The following WDR33 variants were observed in gnomAD, a reference collection of about 807,000 sequenced individuals.
WDR33 encodes pre-mRNA 3' end processing protein WDR33.
WDR33 carries 47 observed loss-of-function variants against 164.9 expected under a neutral mutation model. The ratio of observed to expected loss-of-function variants is 0.29; its 90% CI spans 0.23 to 0.36. The LOEUF (loss-of-function observed/expected upper bound fraction) is 0.36, where lower values mean the gene tolerates loss of function less well. WDR33 is among the 10% of genes least tolerant of loss of function. WDR33 has a pLI of 1.00. For missense variants in WDR33, 1,137 were observed against 1,754.1 expected (o/e 0.65, Z 6.28); for synonymous variants, 505 against 589.0 (o/e 0.86, Z 2.06).
rs202005660 is a variant in WDR33, at chr2:127,719,387, G to A, written c.2638C>T (p.Pro880Ser). Residue 880 changes from proline (P) to serine (S), a missense_variant, in exon 16 of 22, where the codon CCC becomes TCC. By Grantham distance (74) the Pro-to-Ser change is moderately conservative. Coordinates refer to ENST00000322313, the MANE Select transcript of WDR33 (RefSeq NM_018383.5). The surrounding 1 kb of genome is among the most constrained non-coding windows in gnomAD (Gnocchi z 6.5). ...TTCTGCTGTCCCTGAGGTCCGGGGG[G>A]TCCTTGCATGCCACCCTGGGGTGGA... ...GPPPQGGMQG[P>S]PGPQGQQNPA... The A allele has an allele frequency of 6.6e-7, 1 of 1,523,068 alleles. No homozygotes were observed. The highest frequency in any genetic ancestry group is 8.8e-7 in the Non-Finnish European group (1 of 1,137,640). The allele number at this position is 1,523,068 out of a possible 1,614,324, so 94.3% of individuals were successfully genotyped here.
In WDR33 at chr2:127,720,539, TCA is replaced by T. The variant is rs1686412834; in HGVS notation, c.1672-188_1672-187del. 6.6e-6 allele frequency among the ~76,000 whole-genome samples: 1 copy of T among 152,126 alleles called. No individual in the cohort carries two copies. The highest frequency in any genetic ancestry group is 2.4e-5 in the African/African-American group (1 of 41,416). ...ACTGTAAGGAGTTTTAGGTTCTTTC[TCA>T]TTCTTTTTAAGTCCTGGGACACAGT... On this transcript the variant is annotated intron_variant, in intron 15 of 21. Transcript: ENST00000322313. The surrounding 1 kb of genome is among the most constrained non-coding windows in gnomAD (Gnocchi z 5.9).
chr2:127,781,142 G>C (rs900424579), intron 1 of WDR33, among the ~76,000 whole-genome samples: 8 of 152,174 alleles, frequency 5.3e-5, no homozygotes, highest in African/African-American at 1.9e-4. Flanking sequence ...GGGATTATAG[G>C]TGTGAGCCAC....
chr2:127,752,168 G>A (rs911701483), intron 7 of WDR33, among the ~76,000 whole-genome samples: 1 of 152,214 alleles, frequency 6.6e-6, no homozygotes, highest in Non-Finnish European at 1.5e-5. Flanking sequence ...TTTTACCAGA[G>A]CTATCACTTG....
At chr2:127,747,805 C>T (rs1687207658) in intron 7 of WDR33, among the ~76,000 whole-genome samples, 1 of 152,148 alleles carries the variant, frequency 6.6e-6, no homozygotes, top group South Asian at 2.1e-4. Context: ...GTCTGGATTT[C>T]AATATGTTCA....
chr2:127,798,193 C>T (rs1161367015), intron 1 of WDR33, among the ~76,000 whole-genome samples: 2 of 150,928 alleles, frequency 1.3e-5, no homozygotes, highest in African/African-American at 4.9e-5. Context: ...CATGGTGAAA[C>T]CCTGTCTCTA....
Position 127,701,889 on chromosome 2 carries a change from G to T in WDR33, c.*4434C>A. ...GTCACTGGGCTCGGCGCTGGCGTTG[G>T]CGGGAAGCGCGCTGCTGCGGGGCGG... On this transcript the variant is annotated 3_prime_UTR_variant, in exon 22 of 22. Transcript: ENST00000322313. 1 of 1,456,630 alleles carries T rather than the reference G, an allele frequency of 6.9e-7. No homozygotes were observed. Among genetic ancestry groups the T allele is most frequent in the Middle Eastern group, 2.4e-4 (1 of 4,222 alleles). 90.2% of individuals were successfully genotyped at this position (1,456,630 alleles called of 1,614,324 possible).
rs567524152 is a variant in WDR33, at chr2:127,704,419, G to C, written c.*1904C>G. On this transcript the variant is annotated 3_prime_UTR_variant, in exon 22 of 22. Transcript: ENST00000322313. ...AAAATTTTTCCACTAGAATCTCAGG[G>C]AAAAAAAGTCTAATCTTGATATGGG... 2 of 166,766 alleles carry C rather than the reference G, an allele frequency of 1.2e-5. No individual in the cohort carries two copies. Among genetic ancestry groups the C allele is most frequent in the Non-Finnish European group, 2.9e-5 (2 of 68,060 alleles). 10.3% of individuals were successfully genotyped at this position (166,766 alleles called of 1,614,324 possible).
Position 127,774,691 on chromosome 2 carries a change from G to A in WDR33, c.-23-3687C>T, listed in dbSNP as rs562862668. Among the ~76,000 whole-genome samples the A allele has an allele frequency of 1.1e-3, 170 of 152,182 alleles. 1 individual carries two copies. The highest frequency in any genetic ancestry group is 3.9e-3 in the African/African-American group (162 of 41,528). On this transcript the variant is annotated intron_variant, in intron 1 of 21. Transcript: ENST00000322313. The stretch of plus-strand genomic sequence containing the variant: ...AAAAATACAAAAAAATTAGCCAGGC[G>A]TGGTGGCGGGCGCCTGTAGTCCCGG...
intron 7 of WDR33, among the ~76,000 whole-genome samples, chr2:127,742,167 C>G (rs1687035256): frequency 6.6e-6 from 1 of 151,730 alleles, no homozygotes; most frequent in African/African-American, 2.4e-5. Flanking sequence ...GAGCTGAGAT[C>G]GTGCCATTGC....
intron 7 of WDR33, among the ~76,000 whole-genome samples, chr2:127,747,172 C>T (rs766817680): frequency 4.6e-5 from 7 of 152,172 alleles, no homozygotes; most frequent in African/African-American, 4.8e-5. Context: ...GGCATCTACA[C>T]AATTTAGACA....
intron 18 of WDR33, among the ~76,000 whole-genome samples, chr2:127,711,730 C>A (rs1373592010): frequency 3.0e-5 from 4 of 131,860 alleles, no homozygotes; most frequent in Non-Finnish European, 6.3e-5. Flanking sequence ...GCTGGCCAAC[C>A]CTAACTCAAC....
Position 127,701,991 on chromosome 2 carries a change from G to A in WDR33, c.*4332C>T, listed in dbSNP as rs1045235232. ...GCTGCTCTACATGGCAGCGCTGGGC[G>A]CCACGCTGTTCGCCGCGCTGGGCCT... On this transcript the variant is annotated 3_prime_UTR_variant, in exon 22 of 22. Transcript: ENST00000322313. The A allele has an allele frequency of 3.0e-6, 4 of 1,339,968 alleles. No individual in the cohort carries two copies. The highest frequency in any genetic ancestry group is 1.7e-5 in the South Asian group (1 of 57,576). The allele number at this position is 1,339,968 out of a possible 1,614,324, so 83.0% of individuals were successfully genotyped here. A position where few individuals can be genotyped will look rare whatever the true frequency, so the allele number is the denominator to read the frequency against.
In WDR33 at chr2:127,726,662, ACT is replaced by A; in HGVS notation, c.838_839del (p.Leu281CysfsTer7). Reference sequence around the variant, plus strand: ...TTCCTGTCACTTACAGTGTTGCAAGACTCTGCCCAGTCTTGGGATCCCAGAAC... The same window carrying A: ...TTCCTGTCACTTACAGTGTTGCAAGACTGCCCAGTCTTGGGATCCCAGAAC... The part of the protein sequence containing the change: ...IKFWDPKTGQ[S>X]LATLHAHKNT... On this transcript the variant is annotated frameshift_variant, in exon 8 of 22. Transcript: ENST00000322313. LOFTEE classifies it high-confidence loss of function. The surrounding 1 kb of genome is among the most constrained non-coding windows in gnomAD (Gnocchi z 4.8). 1 of 1,613,852 alleles carries A rather than the reference ACT, an allele frequency of 6.2e-7. No homozygotes were observed. The highest frequency in any genetic ancestry group is 8.5e-7 in the Non-Finnish European group (1 of 1,179,944).
At chr2:127,788,012 C>CG (rs1251640189) in intron 1 of WDR33, among the ~76,000 whole-genome samples, 1 of 68,378 alleles carries the variant, frequency 1.5e-5, no homozygotes, top group Non-Finnish European at 2.7e-5. Context: ...GCTGGCCGGG[C>CG]GGGGGGGCTG....
chr2:127,800,759 C>T (rs887399492), intron 1 of WDR33, among the ~76,000 whole-genome samples: 8 of 151,948 alleles, frequency 5.3e-5, no homozygotes, highest in Non-Finnish European at 5.9e-5. Context: ...CTGTACTTGG[C>T]CCTGAGTTTT....
At chr2:127,802,597 T>C (rs911290036) in intron 1 of WDR33, among the ~76,000 whole-genome samples, 1 of 152,194 alleles carries the variant, frequency 6.6e-6, no homozygotes, top group African/African-American at 2.4e-5. Context: ...TTTTTCAATA[T>C]AGTATTTAAT....
intron 1 of WDR33, among the ~76,000 whole-genome samples, chr2:127,807,690 C>T (rs1157753937): frequency 6.6e-6 from 1 of 152,116 alleles, no homozygotes; most frequent in African/African-American, 2.4e-5. Flanking sequence ...TAAGCAACAG[C>T]CAAAGATCAG....
chr2:127,803,838 C>A (rs986237756), intron 1 of WDR33, among the ~76,000 whole-genome samples: 2 of 150,748 alleles, frequency 1.3e-5, no homozygotes, highest in Admixed American at 1.3e-4. Context: ...GTGCCAGGTG[C>A]TTGGGAGACT....
chr2:127,745,214 G>T (rs1687134031), intron 7 of WDR33, among the ~76,000 whole-genome samples: 1 of 152,282 alleles, frequency 6.6e-6, no homozygotes, highest in South Asian at 2.1e-4. Flanking sequence ...GTACGACCCA[G>T]AGTTTATTTG....
Sources: gnomAD v4.1 joint callset for allele counts (sites outside exome capture counted in the v4.1 genomes callset) on GRCh38, gnomAD v4.1.1 for gene constraint, Gnocchi (gnomAD v3.1) non-coding constraint, MANE v1.5 for transcripts, NCBI Gene and HGNC (gene_info 2026-07-23, HGNC 2026-07-21) for gene names.